The following ABRAXAS2 variants were observed in gnomAD, a reference collection of about 807,000 sequenced individuals.
The protein encoded by ABRAXAS2 is BRISC complex subunit Abraxas 2.
Under a neutral mutation model 49.0 loss-of-function variants are expected in ABRAXAS2, and 23 were observed. The observed-to-expected ratio is 0.47, with a 90% CI of 0.34 to 0.66. The LOEUF is 0.66. Ranked by LOEUF, ABRAXAS2 falls within the 30% of genes least tolerant of loss-of-function variation. The pLI is 0.01. For synonymous variants in ABRAXAS2, 168 were observed against 180.2 expected, an observed-to-expected ratio of 0.93 and a Z score of 0.54; for missense variants, 443 against 511.9, an observed-to-expected ratio of 0.87 and a Z score of 1.30.
chr10:124,807,513 C>A (rs923877779), intron 2 of ABRAXAS2, among the ~76,000 whole-genome samples: 4 of 150,952 alleles, frequency 2.6e-5, no homozygotes, highest in African/African-American at 9.7e-5. Flanking sequence ...ATTAGCCGGG[C>A]GTGGTGGCGG....
intron 4 of ABRAXAS2, 150 bp from the exon 5 acceptor site, chr10:124,826,444 TC>T (rs372525650): frequency 1.7e-5 from 11 of 657,824 alleles, no homozygotes; most frequent in Middle Eastern, 3.5e-4. Context: ...AGTCTGTTTA[TC>T]CATGCTCCTG....
chr10:124,812,007 C>T (rs1329520157), intron 2 of ABRAXAS2, among the ~76,000 whole-genome samples: 1 of 152,138 alleles, frequency 6.6e-6, no homozygotes, highest in Non-Finnish European at 1.5e-5. Context: ...GAACTCCCGA[C>T]CTTGGGTGAT....
intron 8 of ABRAXAS2, 143 bp from the exon 9 acceptor site, chr10:124,834,359 C>A (rs1446886441): frequency 1.4e-5 from 9 of 655,980 alleles, no homozygotes; most frequent in Admixed American, 1.2e-4. Context: ...AAGTACTATG[C>A]AATTGTAAAA....
intron 2 of ABRAXAS2, among the ~76,000 whole-genome samples, chr10:124,807,418 T>A (rs540325634): frequency 5.3e-5 from 8 of 150,742 alleles, no homozygotes; most frequent in African/African-American, 2.0e-4. Flanking sequence ...TTTGGGAGGC[T>A]GAGGCAGGTG....
intron 4 of ABRAXAS2, among the ~76,000 whole-genome samples, chr10:124,822,003 A>G (rs1288252157): frequency 1.3e-5 from 2 of 152,222 alleles, no homozygotes; most frequent in Admixed American, 6.5e-5. Flanking sequence ...TATAGTTGAG[A>G]AAACTAAGGT....
intron 5 of ABRAXAS2, among the ~76,000 whole-genome samples, chr10:124,827,255 G>A (rs956417605): frequency 1.3e-5 from 2 of 149,236 alleles, no homozygotes; most frequent in African/African-American, 2.5e-5. Flanking sequence ...TGCTTCCCAG[G>A]TTCAAGCGAT....
In ABRAXAS2 at chr10:124,835,137, A is replaced by G. The variant is rs755207552; in HGVS notation, c.*166A>G. ...TGGGAGCCTCCATCCGCTGCTCTTT[A>G]CCTTTGGATACAGTGTGCAAGTTTC... On this transcript the variant is annotated 3_prime_UTR_variant, in exon 9 of 9. Transcript: ENST00000298492. The G allele has an allele frequency of 1.8e-5, 10 of 560,162 alleles. No individual in the cohort carries two copies. Among genetic ancestry groups the G allele is most frequent in the Non-Finnish European group, 3.1e-5 (10 of 320,410 alleles). 34.7% of individuals were successfully genotyped at this position (560,162 alleles called of 1,614,324 possible).
chr10:124,816,181 G>C (rs1021813566), intron 2 of ABRAXAS2, among the ~76,000 whole-genome samples: 1 of 152,126 alleles, frequency 6.6e-6, no homozygotes, highest in African/African-American at 2.4e-5. Context: ...GATTACAGGC[G>C]TGAGCCACTG....
At chr10:124,832,366 C>T (rs1382183725) in intron 8 of ABRAXAS2, among the ~76,000 whole-genome samples, 1 of 152,110 alleles carries the variant, frequency 6.6e-6, no homozygotes, top group East Asian at 1.9e-4. Context: ...GTAACACCAC[C>T]AGAATTAATA....
At chr10:124,812,864 C>T (rs532797180) in intron 2 of ABRAXAS2, among the ~76,000 whole-genome samples, 9 of 152,264 alleles carry the variant, frequency 5.9e-5, no homozygotes, top group Middle Eastern at 3.4e-3. Context: ...CATGCACAGA[C>T]ACCTTTCCAT....
At position 124,801,918 on chromosome 10, in the gene ABRAXAS2, C is replaced by T; in HGVS notation, c.72+17C>T. 6.2e-7 allele frequency: 1 copy of T among 1,610,814 alleles called. No homozygotes were observed. ...GCGGACCACGTAGGTGCCGGGCCCC[C>T]TGCCGCGCCCGCTGGGGGCTTTCAG... On this transcript the variant is annotated intron_variant, in intron 1 of 8. Transcript: ENST00000298492.
At chr10:124,830,147 T>C (rs1017750043) in intron 7 of ABRAXAS2, among the ~76,000 whole-genome samples, 4 of 152,144 alleles carry the variant, frequency 2.6e-5, no homozygotes, top group Non-Finnish European at 5.9e-5. Context: ...AGCCTGACTT[T>C]AAGGAAAAAG....
chr10:124,826,839 C>T (rs777538544), intron 5 of ABRAXAS2, 54 bp downstream of exon 5: 24 of 1,564,292 alleles, frequency 1.5e-5, no homozygotes, highest in Non-Finnish European at 2.0e-5. Flanking sequence ...TGGGACCAGG[C>T]GTGGTGGCTT....
chr10:124,831,843 T>A (rs1403344836), intron 8 of ABRAXAS2, among the ~76,000 whole-genome samples: 165 of 5,862 alleles, frequency 0.028, 13 homozygotes, highest in East Asian at 0.11. Context: ...GTGTCCTGTC[T>A]TTTTTTTTTT....
Position 124,802,241 on chromosome 10 carries a change from G to C in ABRAXAS2, c.72+340G>C, listed in dbSNP as rs1025665305. Among the ~76,000 whole-genome samples the C allele has an allele frequency of 3.3e-5, 5 of 152,104 alleles. 1 individual carries two copies. The South Asian group carries it at 6.2e-4, about 19-fold the overall frequency. On this transcript the variant is annotated intron_variant, in intron 1 of 8. Coordinates refer to ENST00000298492, the MANE Select transcript of ABRAXAS2 (RefSeq NM_032182.4). Reference sequence around the variant, plus strand: ...CCCCTCCCTGAAAGTCAGGCTTCTAGACTTAAGAGGGGCGCACGGGGTCGG... The same window carrying C: ...CCCCTCCCTGAAAGTCAGGCTTCTACACTTAAGAGGGGCGCACGGGGTCGG...
chr10:124,803,399 C>T (rs1432221991), intron 1 of ABRAXAS2, among the ~76,000 whole-genome samples: 1 of 152,146 alleles, frequency 6.6e-6, no homozygotes, highest in Non-Finnish European at 1.5e-5. Flanking sequence ...GGTTGAAGAA[C>T]CAACAATTTA....
At chr10:124,830,882 TC>T (rs1183627533) in intron 7 of ABRAXAS2, among the ~76,000 whole-genome samples, 1 of 152,388 alleles carries the variant, frequency 6.6e-6, no homozygotes, top group East Asian at 1.9e-4. Context: ...CAGATAGCTA[TC>T]TTTTATTAAA....
At chr10:124,809,446 G>A (rs1181905830) in intron 2 of ABRAXAS2, among the ~76,000 whole-genome samples, 3 of 138,934 alleles carry the variant, frequency 2.2e-5, no homozygotes, top group South Asian at 2.6e-4. Context: ...CACCATGCCC[G>A]GCTAATTTTT....
At chr10:124,821,478 A>C (rs1047804379) in intron 4 of ABRAXAS2, among the ~76,000 whole-genome samples, 9 of 151,996 alleles carry the variant, frequency 5.9e-5, no homozygotes, top group Non-Finnish European at 1.0e-4. Flanking sequence ...AGGCAGGAGA[A>C]TCGCTTGAAC....
Sources: gnomAD v4.1 joint callset for allele counts (sites outside exome capture counted in the v4.1 genomes callset) on GRCh38, gnomAD v4.1.1 for gene constraint, MANE v1.5 for transcripts, NCBI Gene and HGNC (gene_info 2026-07-23, HGNC 2026-07-21) for gene names.